The following CLEC16A variants were observed in gnomAD, a reference collection of about 807,000 sequenced individuals.
CLEC16A encodes C-type lectin domain containing 16A.
CLEC16A carries 51 observed loss-of-function variants against 109.5 expected under a neutral mutation model. The observed-to-expected ratio is 0.47, with a 90% CI of 0.37 to 0.59. CLEC16A has a LOEUF of 0.59. Ranked by LOEUF, CLEC16A falls within the 20% of genes least tolerant of loss-of-function variation. The probability of loss-of-function intolerance (pLI) is 0.00; values close to 1 mark genes in which losing one functional copy is unlikely to be tolerated. For synonymous variants in CLEC16A, 673 were observed against 564.2 expected, an observed-to-expected ratio of 1.19 and a Z score of -2.73; for missense variants, 1,339 against 1,394.0, an observed-to-expected ratio of 0.96 and a Z score of 0.63.
chr16:11,052,268 C>T (rs1306634808), intron 18 of CLEC16A, among the ~76,000 whole-genome samples: 1 of 152,124 alleles, frequency 6.6e-6, no homozygotes, highest in Non-Finnish European at 1.5e-5. Context: ...TTAGAAAGCA[C>T]CATCACCTTT....
At chr16:11,015,572 C>T (rs139599213) in intron 11 of CLEC16A, among the ~76,000 whole-genome samples, 2 of 152,310 alleles carry the variant, frequency 1.3e-5, no homozygotes, top group African/African-American at 4.8e-5. Flanking sequence ...TGGAGCAGCT[C>T]TGCGCTCATC....
At position 11,178,582 on chromosome 16, in the gene CLEC16A, C is replaced by T. The variant is rs760484528; in HGVS notation, c.3054C>T (p.Leu1018=). Residue 1018 remains leucine (L), a synonymous_variant, in exon 24 of 24, where the codon CTC becomes CTT. Transcript: ENST00000409790. This position sits in a 1 kb window ranked among gnomAD's most constrained non-coding sequence, Gnocchi z 6.5. ...TLVPPVDPHS[L]RSLTGMPPLS... is the part of the protein sequence containing the mutation. The stretch of plus-strand genomic sequence containing the variant: ...TCCCCCCAGTTGACCCCCACAGCCT[C>T]CGCAGCCTCACCGGCATGCCCCCGC... 1 of 1,610,712 alleles carries T rather than the reference C, an allele frequency of 6.2e-7. No homozygotes were observed. Among genetic ancestry groups the T allele is most frequent in the South Asian group, 1.1e-5 (1 of 91,026 alleles).
chr16:11,028,068 C>T (rs567623905), intron 13 of CLEC16A, among the ~76,000 whole-genome samples: 17 of 152,270 alleles, frequency 1.1e-4, no homozygotes, highest in East Asian at 5.8e-4. Context: ...GGCATGGTGG[C>T]GCATGCCTGT....
chr16:11,178,851 C>T lies in CLEC16A; in HGVS notation c.*161C>T, dbSNP rs200415323. The T allele has an allele frequency of 5.2e-6, 3 of 571,548 alleles. No individual in the cohort carries two copies. Among genetic ancestry groups the T allele is most frequent in the Admixed American group, 3.5e-5 (1 of 28,866 alleles). The allele number at this position is 571,548 out of a possible 1,614,324, so 35.4% of individuals were successfully genotyped here. Reference sequence around the variant, plus strand: ...CTCCCTTGAATGGGAAGAAGCCCCACGTTGTCCTTGAATTCCTTTTTCACT... The same window carrying T: ...CTCCCTTGAATGGGAAGAAGCCCCATGTTGTCCTTGAATTCCTTTTTCACT... On this transcript the variant is annotated 3_prime_UTR_variant, in exon 24 of 24. Transcript: ENST00000409790. This position sits in a 1 kb window ranked among gnomAD's most constrained non-coding sequence, Gnocchi z 6.5.
At chr16:10,987,087 C>G (rs1319955235) in intron 10 of CLEC16A, among the ~76,000 whole-genome samples, 1 of 151,842 alleles carries the variant, frequency 6.6e-6, no homozygotes, top group African/African-American at 2.4e-5. Flanking sequence ...AACTTCTGGC[C>G]TCAAGTGATC....
intron 13 of CLEC16A, among the ~76,000 whole-genome samples, chr16:11,037,890 T>C (rs1427717865): frequency 6.9e-6 from 1 of 144,290 alleles, no homozygotes; most frequent in African/African-American, 2.6e-5. Flanking sequence ...AAAAAACAAA[T>C]GCCAGAAAGA....
intron 22 of CLEC16A, among the ~76,000 whole-genome samples, chr16:11,159,927 C>A (rs2054662529): frequency 6.6e-6 from 1 of 152,164 alleles, no homozygotes; most frequent in East Asian, 1.9e-4. Flanking sequence ...CAAACCCTTC[C>A]TGGAAACAGG....
At chr16:11,130,313 G>C (rs2053118815) in intron 22 of CLEC16A, among the ~76,000 whole-genome samples, 1 of 152,154 alleles carries the variant, frequency 6.6e-6, no homozygotes, top group South Asian at 2.1e-4. Flanking sequence ...TCTGAACACG[G>C]GAAGACAAGG....
At chr16:11,004,784 G>T (rs2044891690) in intron 11 of CLEC16A, among the ~76,000 whole-genome samples, 1 of 151,936 alleles carries the variant, frequency 6.6e-6, no homozygotes, top group African/African-American at 2.4e-5. Context: ...CTCTTTTTAT[G>T]GTTGAGATCT....
chr16:11,011,577 C>G (rs7186166), intron 11 of CLEC16A, among the ~76,000 whole-genome samples: 44,350 of 151,814 alleles, frequency 0.29, 7,745 homozygotes, highest in African/African-American at 0.5. Context: ...TGGAATTAAC[C>G]ATTTCTCTGG....
In CLEC16A at chr16:11,166,448, CA is replaced by C. The variant is rs1273724687; in HGVS notation, c.2703del (p.Ser903ProfsTer37). ...TCCCCGTCCCTGTCCTCACAGTCGCCACCCTCCGCCAGCGGGAGCCCCAGCG... is the reference window on the plus strand; with the variant it reads ...TCCCCGTCCCTGTCCTCACAGTCGCCCCCTCCGCCAGCGGGAGCCCCAGCG... ...HSSPSLSSQSPPSASGSPSGS... is the reference protein window; with the variant it reads ...HSSPSLSSQSXPSASGSPSGS... On this transcript the variant is annotated frameshift_variant, in exon 23 of 24. Coordinates refer to ENST00000409790, the MANE Select transcript of CLEC16A (RefSeq NM_015226.3). LOFTEE classifies it high-confidence loss of function. The C allele has an allele frequency of 6.2e-7, 1 of 1,607,590 alleles. No individual in the cohort carries two copies. Among genetic ancestry groups the C allele is most frequent in the East Asian group, 2.2e-5 (1 of 44,872 alleles).
chr16:11,123,734 C>A lies in CLEC16A; in HGVS notation c.2269-8C>A, dbSNP rs45537935. The A allele has an allele frequency of 4.3e-5, 70 of 1,613,974 alleles. No individual in the cohort carries two copies. Among genetic ancestry groups the A allele is most frequent in the Admixed American group, 6.7e-5 (4 of 60,032 alleles). On this transcript the variant is annotated splice_polypyrimidine_tract_variant and splice_region_variant and intron_variant, in intron 20 of 23. Coordinates refer to ENST00000409790, the MANE Select transcript of CLEC16A (RefSeq NM_015226.3). ...CGAATGCCTTTTCCTTTGCTTCTCA[C>A]TGTGCAGGACATGCAGGTGACTGGC...
intron 12 of CLEC16A, among the ~76,000 whole-genome samples, chr16:11,023,132 G>A (rs1597090765): frequency 7.2e-6 from 1 of 138,692 alleles, no homozygotes; most frequent in Non-Finnish European, 1.5e-5. Context: ...TGAACTTTCT[G>A]GGAATTTCAC....
chr16:10,983,766 A>G (rs2043463515), intron 10 of CLEC16A, among the ~76,000 whole-genome samples: 1 of 151,976 alleles, frequency 6.6e-6, no homozygotes, highest in Non-Finnish European at 1.5e-5. Context: ...CTTTTCCCCC[A>G]GCATGTCCAG....
chr16:11,034,349 GTT>G (rs2046906591), intron 13 of CLEC16A, among the ~76,000 whole-genome samples: 1 of 152,140 alleles, frequency 6.6e-6, no homozygotes, highest in African/African-American at 2.4e-5. Context: ...AGTTTGAACT[GTT>G]TACCTGGTGT....
At chr16:10,956,092 C>A (rs977492601) in intron 1 of CLEC16A, among the ~76,000 whole-genome samples, 3 of 152,236 alleles carry the variant, frequency 2.0e-5, no homozygotes, top group Non-Finnish European at 4.4e-5. Flanking sequence ...GTTTGAGTTA[C>A]CTAATTATAG....
At chr16:11,048,382 CTG>C (rs1018592937) in intron 17 of CLEC16A, 39 of 152,278 alleles carry the variant, frequency 2.6e-4, no homozygotes, top group African/African-American at 8.7e-4. Context: ...GCGTTTGTCT[CTG>C]TTATCCCAGC....
At chr16:11,030,186 T>C (rs1186956010) in intron 13 of CLEC16A, among the ~76,000 whole-genome samples, 3 of 152,222 alleles carry the variant, frequency 2.0e-5, no homozygotes, top group African/African-American at 7.2e-5. Flanking sequence ...GCTGTGAGCA[T>C]TTGTGTGGCC....
At chr16:11,027,911 C>A in intron 13 of CLEC16A, 1 of 607,848 alleles carries the variant, frequency 1.6e-6, no homozygotes, top group African/African-American at 1.8e-5. Flanking sequence ...AAAGAAAAGA[C>A]AGTAGCTGGC....
Sources: gnomAD v4.1 joint callset for allele counts (sites outside exome capture counted in the v4.1 genomes callset) on GRCh38, gnomAD v4.1.1 for gene constraint, Gnocchi (gnomAD v3.1) non-coding constraint, MANE v1.5 for transcripts, NCBI Gene and HGNC (gene_info 2026-07-23, HGNC 2026-07-21) for gene names.